Variants in DPF3 observed in about 807,000 individuals in gnomAD.
DPF3 encodes the protein zinc finger protein DPF3.
A neutral mutation model predicts 56.8 loss-of-function variants in DPF3; 18 were observed. That is an observed-to-expected ratio of 0.32 (90% CI 0.22 to 0.47). The LOEUF (loss-of-function observed/expected upper bound fraction) is 0.47, where lower values mean the gene tolerates loss of function less well. Among genes scored for constraint, DPF3 ranks in the 20% least tolerant of loss-of-function variants. The pLI, the probability that DPF3 is intolerant of heterozygous loss-of-function variation, is 1.00. For missense variants in DPF3, 403 were observed against 488.8 expected (o/e 0.82, Z 1.65); for synonymous variants, 188 against 180.2 (o/e 1.04, Z -0.35).
intron 3 of DPF3, among the ~76,000 whole-genome samples, chr14:72,739,733 GA>G (rs1413348845): frequency 6.6e-6 from 1 of 152,168 alleles, no homozygotes; most frequent in Admixed American, 6.5e-5. Context: ...AGCTTCGGGG[GA>G]AAAATCATGG....
intron 9 of DPF3, among the ~76,000 whole-genome samples, chr14:72,625,768 T>A: frequency 6.6e-6 from 1 of 152,202 alleles, no homozygotes; most frequent in East Asian, 1.9e-4. Context: ...GTATGTAAAA[T>A]CATGAATTCA....
chr14:72,849,304 T>C (rs1442583378), intron 1 of DPF3, among the ~76,000 whole-genome samples: 2 of 152,180 alleles, frequency 1.3e-5, no homozygotes, highest in African/African-American at 4.8e-5. Flanking sequence ...GCATGATTGG[T>C]GAGGGGTTGC....
chr14:72,661,573 C>A, intron 8 of DPF3: 1 of 985,490 alleles, frequency 1.0e-6, no homozygotes, highest in South Asian at 4.7e-5. Context: ...CTTTGCTGGG[C>A]CACAGACACA....
chr14:72,623,361 A>G (rs1478643182), intron 9 of DPF3, among the ~76,000 whole-genome samples: 1 of 152,250 alleles, frequency 6.6e-6, no homozygotes, highest in East Asian at 1.9e-4. Flanking sequence ...TTGGTTATGT[A>G]TCCAATTGGT....
intron 1 of DPF3, among the ~76,000 whole-genome samples, chr14:72,809,449 C>T (rs985965598): frequency 1.1e-4 from 17 of 152,166 alleles, no homozygotes; most frequent in African/African-American, 3.6e-4. Flanking sequence ...CAGGTCAGCA[C>T]GGCCACACAA....
Position 72,723,627 on chromosome 14 carries a change from A to T in DPF3, c.525+6T>A, listed in dbSNP as rs774788033. The T allele has an allele frequency of 1.3e-6, 2 of 1,560,572 alleles. No individual in the cohort carries two copies. On this transcript the variant is annotated splice_donor_region_variant and intron_variant, in intron 5 of 10. Coordinates refer to ENST00000556509, the MANE Select transcript of DPF3 (RefSeq NM_001280542.3). ...TCTTTCCTCGCTCATGTCATCCCCA[A>T]CTTACCCGTCCTCTAGTCCTGTTCT...
intron 3 of DPF3, among the ~76,000 whole-genome samples, chr14:72,744,506 C>T (rs1027437665): frequency 2.0e-5 from 3 of 152,144 alleles, no homozygotes; most frequent in African/African-American, 7.2e-5. Context: ...CACTTTCCAG[C>T]CTGAAAGGTC....
chr14:72,879,649 G>A (rs1010410839), intron 1 of DPF3, among the ~76,000 whole-genome samples: 2 of 152,000 alleles, frequency 1.3e-5, no homozygotes, highest in Admixed American at 1.3e-4. Flanking sequence ...CAATCAAACC[G>A]CCTGCCCAGA....
In DPF3 at chr14:72,615,307, G is replaced by A. The variant is rs1884026568; in HGVS notation, c.*3990C>T. ...TAAGCCCCTCTTCTTTGAGTCCTGAGGCCTGAGGTTGCCAGCAACCTTTCT... is the reference window on the plus strand; with the variant it reads ...TAAGCCCCTCTTCTTTGAGTCCTGAAGCCTGAGGTTGCCAGCAACCTTTCT... On this transcript the variant is annotated 3_prime_UTR_variant, in exon 11 of 11. Transcript: ENST00000556509. Among the ~76,000 whole-genome samples, 1 of 152,130 alleles carries A rather than the reference G, an allele frequency of 6.6e-6. No homozygotes were observed. The highest frequency in any genetic ancestry group is 2.1e-4 in the South Asian group (1 of 4,826).
intron 1 of DPF3, among the ~76,000 whole-genome samples, chr14:72,799,041 T>A (rs1892756809): frequency 1.3e-5 from 2 of 152,030 alleles, no homozygotes; most frequent in African/African-American, 4.8e-5. Flanking sequence ...ATTCTCCCCA[T>A]CCCATGAATG....
At chr14:72,772,329 A>C (rs1402396021) in intron 1 of DPF3, among the ~76,000 whole-genome samples, 1 of 152,208 alleles carries the variant, frequency 6.6e-6, no homozygotes, top group Non-Finnish European at 1.5e-5. Flanking sequence ...AAGGCACTCT[A>C]GGTGAACCCA....
At chr14:72,624,050 T>C (rs1884642307) in intron 9 of DPF3, among the ~76,000 whole-genome samples, 1 of 152,200 alleles carries the variant, frequency 6.6e-6, no homozygotes, top group Admixed American at 6.5e-5. Flanking sequence ...AAATAAAATA[T>C]GTTTAAAATC....
intron 1 of DPF3, among the ~76,000 whole-genome samples, chr14:72,811,872 A>AGAACCAAAACT (rs1224867084): frequency 6.6e-6 from 1 of 151,952 alleles, no homozygotes; most frequent in Non-Finnish European, 1.5e-5. Context: ...TGAGTTTTGG[A>AGAACCAAAACT]GAGTTGGTGG....
chr14:72,825,210 C>A (rs1398133116), intron 1 of DPF3, among the ~76,000 whole-genome samples: 1 of 152,166 alleles, frequency 6.6e-6, no homozygotes, highest in Non-Finnish European at 1.5e-5. Flanking sequence ...TATAATTAGT[C>A]TCCCTCTCTT....
chr14:72,709,010 G>A (rs1007770567), intron 6 of DPF3, among the ~76,000 whole-genome samples: 5 of 152,112 alleles, frequency 3.3e-5, no homozygotes, highest in Admixed American at 6.5e-5. Context: ...AGGACTAAAC[G>A]TCCAGCCTGC....
intron 8 of DPF3, among the ~76,000 whole-genome samples, chr14:72,667,161 AC>A (rs1345735127): frequency 6.6e-6 from 1 of 152,178 alleles, no homozygotes; most frequent in Non-Finnish European, 1.5e-5. Flanking sequence ...TCTCTAAAAT[AC>A]CGGTAGCAAA....
chr14:72,770,318 C>A (rs1891469742), intron 2 of DPF3, among the ~76,000 whole-genome samples: 1 of 152,084 alleles, frequency 6.6e-6, no homozygotes, highest in Non-Finnish European at 1.5e-5. Flanking sequence ...AAGTAACATG[C>A]AAGGAGGAAA....
At chr14:72,619,751 G>T (rs143552905) in intron 10 of DPF3, among the ~76,000 whole-genome samples, 152 bp downstream of exon 10, 14 of 152,154 alleles carry the variant, frequency 9.2e-5, no homozygotes, top group Admixed American at 4.6e-4. Flanking sequence ...GGCAGTCGTC[G>T]TACCTACCTT....
intron 8 of DPF3, among the ~76,000 whole-genome samples, chr14:72,672,957 G>A (rs1886757630): frequency 6.6e-6 from 1 of 151,902 alleles, no homozygotes. Flanking sequence ...TATCACAAGG[G>A]CCCTGTCTTC....
Sources: gnomAD v4.1 joint callset for allele counts (sites outside exome capture counted in the v4.1 genomes callset) on GRCh38, gnomAD v4.1.1 for gene constraint, MANE v1.5 for transcripts, NCBI Gene and HGNC (gene_info 2026-07-23, HGNC 2026-07-21) for gene names.